Variants in DCAF8L2 observed in about 807,000 individuals in gnomAD.
The protein encoded by DCAF8L2 is DDB1 and CUL4 associated factor 8 like 2.
For missense variants in DCAF8L2, 430 were observed against 490.7 expected (o/e 0.88, Z 1.17); for synonymous variants, 200 against 190.9 (o/e 1.05, Z -0.39).
At chrX:27,599,181 C>G (rs766620488) in intron 1 of DCAF8L2, among the ~76,000 whole-genome samples, 1 of 110,580 alleles carries the variant, frequency 9.0e-6, no homozygotes, top group Non-Finnish European at 1.9e-5. Flanking sequence ...AAATATTATT[C>G]GTCCTTTAAA....
chrX:27,731,008 C>G (rs1011915666), intron 4 of DCAF8L2, among the ~76,000 whole-genome samples: 6 of 111,270 alleles, frequency 5.4e-5, no homozygotes, highest in Admixed American at 9.6e-5. Flanking sequence ...GTATCTTGAA[C>G]TTTGTGACCA....
At chrX:27,723,258 A>G (rs1411136559) in intron 4 of DCAF8L2, among the ~76,000 whole-genome samples, 1 of 110,686 alleles carries the variant, frequency 9.0e-6, no homozygotes, top group Non-Finnish European at 1.9e-5. Flanking sequence ...ATGTTTCTAA[A>G]TTATTTTTTA....
chrX:27,532,726 ATATTTATTTATTTATTTATT>A, the DCAF8L2 span, among the ~76,000 whole-genome samples: 7 of 85,535 alleles, frequency 8.2e-5, no homozygotes, highest in Admixed American at 1.4e-4. Flanking sequence ...AGTGAGACCC[ATATTTATTTATTTATTTATT>A]TATTTATTTA....
the DCAF8L2 span, among the ~76,000 whole-genome samples, chrX:27,550,164 C>T: frequency 8.9e-5 from 10 of 112,096 alleles, no homozygotes; most frequent in South Asian, 3.7e-4. Context: ...CATTTGTCAG[C>T]CAGTTGGCAG....
intron 1 of DCAF8L2, among the ~76,000 whole-genome samples, chrX:27,615,868 G>A (rs1454624057): frequency 9.1e-6 from 1 of 110,332 alleles, no homozygotes; most frequent in Non-Finnish European, 1.9e-5. Context: ...TAAAATAAAT[G>A]GCACTAGAAA....
chrX:27,552,161 G>C, the DCAF8L2 span, among the ~76,000 whole-genome samples: 1 of 110,956 alleles, frequency 9.0e-6, no homozygotes, highest in Non-Finnish European at 1.9e-5. Context: ...TTTGTTTTTT[G>C]CTACTGAGTT....
At chrX:27,581,990 T>G in the DCAF8L2 span, among the ~76,000 whole-genome samples, 1 of 112,278 alleles carries the variant, frequency 8.9e-6, no homozygotes, top group Admixed American at 9.5e-5. Context: ...TGGTCTAATT[T>G]TAAAAGATGT....
chrX:27,683,673 G>C (rs1220348678), intron 3 of DCAF8L2, among the ~76,000 whole-genome samples: 2 of 112,279 alleles, frequency 1.8e-5, no homozygotes, highest in Non-Finnish European at 3.8e-5. Context: ...AGATTTTAAA[G>C]CATCTGGGAC....
At chrX:27,552,009 T>C in the DCAF8L2 span, among the ~76,000 whole-genome samples, 1 of 112,241 alleles carries the variant, frequency 8.9e-6, no homozygotes, top group Admixed American at 9.5e-5. Flanking sequence ...ATATTTTTTT[T>C]CTTTTTGATG....
At chrX:27,668,139 G>C (rs1375010197) in intron 2 of DCAF8L2, among the ~76,000 whole-genome samples, 1 of 111,440 alleles carries the variant, frequency 9.0e-6, no homozygotes, top group East Asian at 2.8e-4. Flanking sequence ...CAAATCACAA[G>C]ATTGCTGGGC....
At chrX:27,576,556 A>G in the DCAF8L2 span, among the ~76,000 whole-genome samples, 1 of 112,081 alleles carries the variant, frequency 8.9e-6, no homozygotes, top group East Asian at 2.8e-4. Flanking sequence ...CCCCTGGATT[A>G]TCCTCCACAT....
the DCAF8L2 span, among the ~76,000 whole-genome samples, chrX:27,481,796 A>T: frequency 8.9e-6 from 1 of 112,066 alleles, no homozygotes; most frequent in Non-Finnish European, 1.9e-5. Context: ...GATCTATTGA[A>T]TTTGGATGTC....
chrX:27,592,298 C>T (rs756078337), intron 1 of DCAF8L2, among the ~76,000 whole-genome samples: 23 of 112,456 alleles, frequency 2.0e-4, no homozygotes, highest in African/African-American at 7.1e-4. Flanking sequence ...ACTGCATGTG[C>T]TGCCGCACCA....
chrX:27,598,833 T>C (rs1393971784), intron 1 of DCAF8L2, among the ~76,000 whole-genome samples: 2 of 109,968 alleles, frequency 1.8e-5, no homozygotes, highest in Non-Finnish European at 3.8e-5. Flanking sequence ...AATTCCTGAT[T>C]TGCTGATGAT....
the DCAF8L2 span, among the ~76,000 whole-genome samples, chrX:27,510,126 GCTAA>G: frequency 4.5e-5 from 5 of 111,044 alleles, no homozygotes; most frequent in African/African-American, 1.3e-4. Flanking sequence ...AAAGGAATAG[GCTAA>G]CTTTTTCAGT....
chrX:27,744,033 T>C (rs1474254788), intron 4 of DCAF8L2, among the ~76,000 whole-genome samples: 1 of 111,406 alleles, frequency 9.0e-6, no homozygotes, highest in East Asian at 2.8e-4. Context: ...AGGCCTGGCC[T>C]GTTTACAAAT....
At chrX:27,472,322 A>C in the DCAF8L2 span, among the ~76,000 whole-genome samples, 4 of 112,039 alleles carry the variant, frequency 3.6e-5, no homozygotes, top group Non-Finnish European at 7.5e-5. Context: ...TTAGATATAA[A>C]GTGCTTCTAC....
the DCAF8L2 span, among the ~76,000 whole-genome samples, chrX:27,473,199 T>C: frequency 4.5e-5 from 5 of 112,350 alleles, no homozygotes; most frequent in African/African-American, 1.3e-4. Context: ...TGAAAAACCA[T>C]TTCTAAATTT....
At chrX:27,655,703 A>G (rs1208613263) in intron 2 of DCAF8L2, among the ~76,000 whole-genome samples, 2 of 111,482 alleles carry the variant, frequency 1.8e-5, no homozygotes, top group African/African-American at 6.5e-5. Flanking sequence ...TTTTATCTGT[A>G]TTTTAAGCCA....
Sources: allele counts gnomAD v4.1 joint callset (sites outside exome capture counted in the v4.1 genomes callset), GRCh38; gene constraint gnomAD v4.1.1; transcripts MANE v1.5; gene names NCBI Gene and HGNC (gene_info 2026-07-23, HGNC 2026-07-21).